The following MAPK4 variants were observed in gnomAD, a reference collection of about 807,000 sequenced individuals.
The protein encoded by MAPK4 is Erk3-related.
A neutral mutation model predicts 47.7 loss-of-function variants in MAPK4; 22 were observed. The observed-to-expected ratio is 0.46, with a 90% CI of 0.33 to 0.66. The LOEUF is 0.66. Ranked by LOEUF, MAPK4 falls within the 30% of genes least tolerant of loss-of-function variation. MAPK4 has a pLI of 0.02. For synonymous variants in MAPK4, 390 were observed against 365.7 expected, an observed-to-expected ratio of 1.07 and a Z score of -0.76; for missense variants, 736 against 831.7, an observed-to-expected ratio of 0.88 and a Z score of 1.42.
rs149549805 is a variant in MAPK4, at chr18:50,699,588, G to A, written c.547-15491G>A. Among the ~76,000 whole-genome samples the A allele has an allele frequency of 6.5e-3, 990 of 152,294 alleles. 8 individuals carry two copies. The highest frequency in any genetic ancestry group is 0.022 in the African/African-American group (925 of 41,560). On this transcript the variant is annotated intron_variant, in intron 2 of 5. Coordinates refer to ENST00000400384, the MANE Select transcript of MAPK4 (RefSeq NM_002747.4). ...ATACCATTTATAATAGCACCCAAAT[G>A]ATATTTGGCAATTTGTCAATTAAGT...
intron 1 of MAPK4, among the ~76,000 whole-genome samples, chr18:50,642,215 G>A (rs745474382): frequency 1.1e-4 from 16 of 152,094 alleles, no homozygotes; most frequent in African/African-American, 1.4e-4. Flanking sequence ...TATTTTCCCC[G>A]CAGTTTAGCT....
At chr18:50,723,377 C>T (rs1387836387) in intron 4 of MAPK4, among the ~76,000 whole-genome samples, 1 of 152,188 alleles carries the variant, frequency 6.6e-6, no homozygotes, top group Non-Finnish European at 1.5e-5. Context: ...AGCCATTTCT[C>T]ACTGCAGGAG....
At chr18:50,608,031 T>G (rs1743163477) in intron 1 of MAPK4, among the ~76,000 whole-genome samples, 1 of 152,244 alleles carries the variant, frequency 6.6e-6, no homozygotes, top group African/African-American at 2.4e-5. Context: ...TTTAGTATCA[T>G]GGAATTTTTT....
chr18:50,603,285 T>TC (rs1481185929), intron 1 of MAPK4, among the ~76,000 whole-genome samples: 1 of 152,140 alleles, frequency 6.6e-6, no homozygotes, highest in Non-Finnish European at 1.5e-5. Flanking sequence ...AGCTTCCATC[T>TC]CCCTGGTGTG....
intron 4 of MAPK4, among the ~76,000 whole-genome samples, chr18:50,725,623 C>T (rs776792933): frequency 3.9e-5 from 6 of 152,236 alleles, no homozygotes; most frequent in Admixed American, 2.6e-4. Context: ...CTCACTCCCC[C>T]ACCTGTGCTT....
rs150700407 is a variant in MAPK4 at position 50,598,072 on chromosome 18, G to T, written c.-871+37829G>T. 7.4e-3 allele frequency among the ~76,000 whole-genome samples: 1,123 copies of T among 152,264 alleles called. 56 individuals carry two copies. The highest frequency in any genetic ancestry group is 0.063 in the Admixed American group (962 of 15,296). On this transcript the variant is annotated intron_variant, in intron 1 of 5. Transcript: ENST00000400384. ...ACATTCATCCTTTTGGGTTTTAAAA[G>T]CTTCCTGGGCCTTCACGGCCCCTCC...
chr18:50,596,109 C>T (rs1446016307), intron 1 of MAPK4, among the ~76,000 whole-genome samples: 1 of 152,168 alleles, frequency 6.6e-6, no homozygotes, highest in Non-Finnish European at 1.5e-5. Flanking sequence ...TCTAGGGCTT[C>T]ACACATGTTC....
intron 5 of MAPK4, among the ~76,000 whole-genome samples, chr18:50,728,050 T>C (rs1438135644): frequency 6.6e-6 from 1 of 152,244 alleles, no homozygotes; most frequent in Non-Finnish European, 1.5e-5. Flanking sequence ...CGGGCAGTGC[T>C]GAGGCCTTCC....
chr18:50,634,225 G>C (rs1053557627), intron 1 of MAPK4, among the ~76,000 whole-genome samples: 2 of 152,142 alleles, frequency 1.3e-5, no homozygotes. Context: ...GAAAGGGGCA[G>C]GATGTCAGCA....
At chr18:50,685,711 C>T (rs952126113) in intron 2 of MAPK4, among the ~76,000 whole-genome samples, 1 of 152,238 alleles carries the variant, frequency 6.6e-6, no homozygotes, top group African/African-American at 2.4e-5. Flanking sequence ...CCAGAATGAC[C>T]TGCATCCTTC....
intron 4 of MAPK4, among the ~76,000 whole-genome samples, chr18:50,723,267 AAG>A (rs1911024934): frequency 6.6e-6 from 1 of 152,148 alleles, no homozygotes; most frequent in Admixed American, 6.5e-5. Context: ...AAGCCAGGGG[AAG>A]AGAGAGCAGA....
chr18:50,658,793 G>A (rs2043138669), intron 1 of MAPK4, among the ~76,000 whole-genome samples: 1 of 152,160 alleles, frequency 6.6e-6, no homozygotes, highest in South Asian at 2.1e-4. Context: ...GCCAGGCCTG[G>A]GATAGTGTCG....
chr18:50,658,152 C>A (rs1179847347), intron 1 of MAPK4, among the ~76,000 whole-genome samples: 1 of 152,138 alleles, frequency 6.6e-6, no homozygotes, highest in Non-Finnish European at 1.5e-5. Context: ...CATTCTATTT[C>A]TTGGTTTCTC....
At chr18:50,698,596 GA>G (rs961128446) in intron 2 of MAPK4, among the ~76,000 whole-genome samples, 7 of 151,808 alleles carry the variant, frequency 4.6e-5, no homozygotes, top group African/African-American at 1.7e-4. Flanking sequence ...ATAGAAAATA[GA>G]AAAAAAGCTT....
At chr18:50,630,553 C>T (rs1032371215) in intron 1 of MAPK4, among the ~76,000 whole-genome samples, 1 of 152,172 alleles carries the variant, frequency 6.6e-6, no homozygotes, top group Non-Finnish European at 1.5e-5. Context: ...CAGGAGTACC[C>T]AGGATATAGG....
At chr18:50,612,353 A>G (rs909466107) in intron 1 of MAPK4, among the ~76,000 whole-genome samples, 16 of 152,240 alleles carry the variant, frequency 1.1e-4, no homozygotes, top group African/African-American at 3.6e-4. Flanking sequence ...ACCTCCATTC[A>G]TCTAAACCTA....
chr18:50,654,835 G>A (rs770987193), intron 1 of MAPK4, among the ~76,000 whole-genome samples: 14 of 152,212 alleles, frequency 9.2e-5, no homozygotes, highest in Non-Finnish European at 1.8e-4. Context: ...CGAGGCAGCC[G>A]GAATTTCTCT....
upstream of MAPK4, chr18:50,560,071 G>A (rs2042137932): frequency 6.7e-6 from 1 of 148,282 alleles, no homozygotes; most frequent in African/African-American, 2.4e-5. Context: ...CTGGGGCCGG[G>A]GCCGGGGCGG....
At chr18:50,656,012 C>T (rs1041472242) in intron 1 of MAPK4, among the ~76,000 whole-genome samples, 20 of 152,102 alleles carry the variant, frequency 1.3e-4, no homozygotes, top group African/African-American at 4.8e-4. Flanking sequence ...TAAGGTTCCC[C>T]TCCTCCCCAG....
Sources: gnomAD v4.1 joint callset for allele counts (sites outside exome capture counted in the v4.1 genomes callset) on GRCh38, gnomAD v4.1.1 for gene constraint, MANE v1.5 for transcripts, NCBI Gene and HGNC (gene_info 2026-07-23, HGNC 2026-07-21) for gene names.